The following CIMAP3 variants were observed in gnomAD, a reference collection of about 807,000 sequenced individuals.
The protein encoded by CIMAP3 is ciliary microtubule associated protein 3.
At chr1:111,345,739 C>G in the CIMAP3 span, among the ~76,000 whole-genome samples, 1 of 152,304 alleles carries the variant, frequency 6.6e-6, no homozygotes, top group Non-Finnish European at 1.5e-5. Flanking sequence ...AACACCTGGA[C>G]AACTCCTAAA....
At chr1:111,336,488 C>T in the CIMAP3 span, among the ~76,000 whole-genome samples, 1 of 152,122 alleles carries the variant, frequency 6.6e-6, no homozygotes, top group East Asian at 1.9e-4. Context: ...ATAACCAATA[C>T]AGAGAAGTGC....
At chr1:111,341,124 G>A in the CIMAP3 span, among the ~76,000 whole-genome samples, 15 of 147,940 alleles carry the variant, frequency 1.0e-4, no homozygotes, top group Non-Finnish European at 1.6e-4. Flanking sequence ...ACCAAACACC[G>A]CATATTCTCA....
At chr1:111,328,616 C>CT in the CIMAP3 span, among the ~76,000 whole-genome samples, 13 of 152,234 alleles carry the variant, frequency 8.5e-5, no homozygotes, top group South Asian at 1.0e-3. Flanking sequence ...CCTTCTTTGT[C>CT]TTTTTTTATC....
At chr1:111,351,160 T>G in the CIMAP3 span, 17 of 866,110 alleles carry the variant, frequency 2.0e-5, no homozygotes, top group Non-Finnish European at 3.0e-5. Context: ...ACCTCTATAA[T>G]GTACAGTTTT....
At chr1:111,340,394 G>C in the CIMAP3 span, among the ~76,000 whole-genome samples, 3 of 152,006 alleles carry the variant, frequency 2.0e-5, no homozygotes, top group African/African-American at 4.8e-5. Flanking sequence ...CACAGCAAAA[G>C]AAACTACCAT....
the CIMAP3 span, chr1:111,347,091 C>T: frequency 6.5e-7 from 1 of 1,533,558 alleles, no homozygotes; most frequent in Non-Finnish European, 8.8e-7. Context: ...AGTTCCCCGG[C>T]TATTGAGGGA....
At chr1:111,330,399 G>C in the CIMAP3 span, among the ~76,000 whole-genome samples, 1 of 152,136 alleles carries the variant, frequency 6.6e-6, no homozygotes. Context: ...GCTTTGTGTG[G>C]GGCCTTTATT....
the CIMAP3 span, chr1:111,346,825 A>G: frequency 5.1e-6 from 8 of 1,581,386 alleles, no homozygotes; most frequent in South Asian, 6.8e-5. Flanking sequence ...TCCTCTGCTC[A>G]GTCTCCCCGA....
At chr1:111,341,100 C>T in the CIMAP3 span, among the ~76,000 whole-genome samples, 1 of 150,234 alleles carries the variant, frequency 6.7e-6, no homozygotes, top group African/African-American at 2.5e-5. Flanking sequence ...AGTAAACTAT[C>T]ACAAGAACAA....
chr1:111,339,700 T>A, the CIMAP3 span, among the ~76,000 whole-genome samples: 1 of 151,710 alleles, frequency 6.6e-6, no homozygotes, highest in African/African-American at 2.4e-5. Context: ...TCAATGAAAT[T>A]AAAGAGGATA....
chr1:111,328,048 T>A, the CIMAP3 span, among the ~76,000 whole-genome samples: 1 of 152,212 alleles, frequency 6.6e-6, no homozygotes, highest in Non-Finnish European at 1.5e-5. Flanking sequence ...TATGTTGTTA[T>A]CTTTGTTCTC....
At chr1:111,335,765 C>T in the CIMAP3 span, among the ~76,000 whole-genome samples, 3,175 of 152,352 alleles carry the variant, frequency 0.021, 96 homozygotes, top group African/African-American at 0.072. Context: ...TCCACCTCTG[C>T]GGGCAAGGCA....
the CIMAP3 span, among the ~76,000 whole-genome samples, chr1:111,326,750 T>C: frequency 2.0e-5 from 3 of 152,246 alleles, no homozygotes; most frequent in African/African-American, 7.2e-5. Flanking sequence ...TTCACCACCA[T>C]CTGTTACTTT....
the CIMAP3 span, among the ~76,000 whole-genome samples, chr1:111,340,839 C>A: frequency 6.6e-6 from 1 of 152,070 alleles, no homozygotes; most frequent in Non-Finnish European, 1.5e-5. Flanking sequence ...CCATTTGACC[C>A]AGCCATCCCA....
At chr1:111,329,394 T>G in the CIMAP3 span, among the ~76,000 whole-genome samples, 3 of 151,848 alleles carry the variant, frequency 2.0e-5, no homozygotes, top group Non-Finnish European at 4.4e-5. Flanking sequence ...TTGGCCTCTC[T>G]AGCATGGTTG....
the CIMAP3 span, among the ~76,000 whole-genome samples, chr1:111,325,844 G>A: frequency 1.3e-5 from 2 of 152,078 alleles, no homozygotes; most frequent in Non-Finnish European, 2.9e-5. Flanking sequence ...TAAAAGAATA[G>A]AGTTATAAGT....
At chr1:111,328,551 A>G in the CIMAP3 span, among the ~76,000 whole-genome samples, 1 of 152,202 alleles carries the variant, frequency 6.6e-6, no homozygotes, top group African/African-American at 2.4e-5. Context: ...GTGCATATAT[A>G]TTTAGGAAAG....
At chr1:111,350,297 T>G in the CIMAP3 span, 1 of 1,194,134 alleles carries the variant, frequency 8.4e-7, no homozygotes, top group South Asian at 1.4e-5. Context: ...GACTCTTAAT[T>G]AGGGGTCTGT....
the CIMAP3 span, chr1:111,324,868 T>C: frequency 2.5e-5 from 25 of 985,244 alleles, no homozygotes; most frequent in Non-Finnish European, 2.9e-5. Flanking sequence ...CAGACAGCCA[T>C]ACATCTGGAA....
Sources: gnomAD v4.1 joint callset for allele counts (sites outside exome capture counted in the v4.1 genomes callset) on GRCh38, gnomAD v4.1.1 for gene constraint, MANE v1.5 for transcripts, NCBI Gene and HGNC (gene_info 2026-07-23, HGNC 2026-07-21) for gene names.